Variants in NFIA observed in about 807,000 individuals in gnomAD.
NFIA encodes the protein nuclear factor 1 A-type.
Under a neutral mutation model 62.8 loss-of-function variants are expected in NFIA, and 8 were observed. That is an observed-to-expected ratio of 0.13 (90% CI 0.07 to 0.23). The LOEUF (loss-of-function observed/expected upper bound fraction) is 0.23, where lower values mean the gene tolerates loss of function less well. NFIA is among the 10% of genes least tolerant of loss of function. The probability of loss-of-function intolerance (pLI) is 1.00; values close to 1 mark genes in which losing one functional copy is unlikely to be tolerated. For synonymous variants in NFIA, 235 were observed against 238.1 expected, an observed-to-expected ratio of 0.99 and a Z score of 0.12; for missense variants, 410 against 642.1, an observed-to-expected ratio of 0.64 and a Z score of 3.91.
At chr1:61,298,860 C>A (rs1197503049) in intron 3 of NFIA, among the ~76,000 whole-genome samples, 2 of 152,196 alleles carry the variant, frequency 1.3e-5, no homozygotes, top group Non-Finnish European at 2.9e-5. Context: ...TGATAACTTA[C>A]AACACGCTGG....
chr1:61,383,468 G>A, intron 7 of NFIA, 103 bp downstream of exon 7: 1 of 1,371,084 alleles, frequency 7.3e-7, no homozygotes, highest in East Asian at 2.5e-5. Context: ...CACTCGTGAG[G>A]CAGTGAGTGT....
At chr1:61,407,272 A>G (rs1441629925) in intron 9 of NFIA, among the ~76,000 whole-genome samples, 1 of 152,060 alleles carries the variant, frequency 6.6e-6, no homozygotes, top group East Asian at 1.9e-4. Context: ...TCGCATGGTG[A>G]GGTTTGGCAG....
intron 2 of NFIA, among the ~76,000 whole-genome samples, chr1:61,124,189 G>C (rs537072440): frequency 6.6e-6 from 1 of 152,192 alleles, no homozygotes; most frequent in Non-Finnish European, 1.5e-5. Context: ...TTGGCCAGTC[G>C]TTCAGCTTCT....
At chr1:61,176,452 G>C (rs1650352283) in intron 2 of NFIA, among the ~76,000 whole-genome samples, 2 of 152,126 alleles carry the variant, frequency 1.3e-5, no homozygotes, top group South Asian at 2.1e-4. Context: ...TTACAGGATA[G>C]AAATAAAATC....
chr1:61,438,053 C>G (rs758377410), intron 10 of NFIA, among the ~76,000 whole-genome samples: 2 of 152,074 alleles, frequency 1.3e-5, no homozygotes, highest in Admixed American at 6.5e-5. Context: ...TCCTGAGATA[C>G]AGGATTTTAT....
intron 3 of NFIA, among the ~76,000 whole-genome samples, chr1:61,302,225 T>C (rs1659532251): frequency 6.6e-6 from 1 of 152,184 alleles, no homozygotes; most frequent in East Asian, 1.9e-4. Flanking sequence ...TACAAAAGTC[T>C]TGGTCATATA....
At chr1:61,117,583 A>T (rs1319994444) in intron 2 of NFIA, among the ~76,000 whole-genome samples, 1 of 152,124 alleles carries the variant, frequency 6.6e-6, no homozygotes, top group African/African-American at 2.4e-5. Context: ...TTTTTATATT[A>T]ATGTAACTAT....
intron 4 of NFIA, among the ~76,000 whole-genome samples, chr1:61,340,405 G>A (rs1553175037): frequency 6.6e-6 from 1 of 152,126 alleles, no homozygotes; most frequent in South Asian, 2.1e-4. Flanking sequence ...ATAGCTTTGG[G>A]CAATATTTAA....
intron 6 of NFIA, among the ~76,000 whole-genome samples, chr1:61,359,821 C>T (rs779751429): frequency 4.6e-5 from 7 of 152,050 alleles, no homozygotes; most frequent in Non-Finnish European, 8.8e-5. Context: ...TTAAAAGAGA[C>T]GGGGTTTCAC....
chr1:61,430,674 T>A (rs1480762929), intron 10 of NFIA, among the ~76,000 whole-genome samples: 1 of 152,188 alleles, frequency 6.6e-6, no homozygotes, highest in African/African-American at 2.4e-5. Flanking sequence ...TCCAGAGAAT[T>A]CCTCCCTTGA....
At chr1:61,444,439 C>T (rs1395718245) in intron 10 of NFIA, among the ~76,000 whole-genome samples, 2 of 152,140 alleles carry the variant, frequency 1.3e-5, no homozygotes. Context: ...ATTCCTTCAC[C>T]AAGCCTTGGA....
intron 10 of NFIA, among the ~76,000 whole-genome samples, chr1:61,449,215 AGT>A (rs1462596185): frequency 2.0e-5 from 3 of 152,078 alleles, no homozygotes; most frequent in African/African-American, 7.2e-5. Context: ...CTCGAGGGAG[AGT>A]GTCTGTCATT....
intron 2 of NFIA, among the ~76,000 whole-genome samples, chr1:61,223,492 A>G (rs1013321724): frequency 1.3e-5 from 2 of 152,082 alleles, no homozygotes; most frequent in African/African-American, 4.8e-5. Context: ...GGTTTCATAA[A>G]GGGAATTGAG....
At chr1:61,226,071 A>G (rs2100624040) in intron 2 of NFIA, among the ~76,000 whole-genome samples, 1 of 152,356 alleles carries the variant, frequency 6.6e-6, no homozygotes, top group East Asian at 1.9e-4. Context: ...GTGGACATAC[A>G]ACAAACATGT....
chr1:61,133,766 G>A (rs541515992), intron 2 of NFIA, among the ~76,000 whole-genome samples: 1 of 152,210 alleles, frequency 6.6e-6, no homozygotes, highest in Non-Finnish European at 1.5e-5. Flanking sequence ...CCAGGAGTTT[G>A]AGGCTGTAGT....
chr1:61,184,142 A>AC (rs1399235791), intron 2 of NFIA, among the ~76,000 whole-genome samples: 29 of 138,782 alleles, frequency 2.1e-4, no homozygotes, highest in African/African-American at 7.3e-4. Context: ...AAAAAAAAAA[A>AC]CCCAAAAAAA....
chr1:61,378,561 G>GT (rs60375780), intron 6 of NFIA, among the ~76,000 whole-genome samples: 37,609 of 151,978 alleles, frequency 0.25, 5,341 homozygotes, highest in African/African-American at 0.4. Flanking sequence ...TTTGTTTTCT[G>GT]TACTGCAGAA....
At chr1:61,134,134 A>G (rs758220196) in intron 2 of NFIA, among the ~76,000 whole-genome samples, 5 of 152,010 alleles carry the variant, frequency 3.3e-5, no homozygotes, top group Non-Finnish European at 5.9e-5. Flanking sequence ...AAAGAGGAAT[A>G]ATAGTATCTG....
At chr1:61,124,043 G>C (rs948829726) in intron 2 of NFIA, among the ~76,000 whole-genome samples, 2 of 152,166 alleles carry the variant, frequency 1.3e-5, no homozygotes, top group African/African-American at 2.4e-5. Flanking sequence ...CAGTGTTCTA[G>C]GAAGAACAAT....
Sources: allele counts gnomAD v4.1 joint callset (sites outside exome capture counted in the v4.1 genomes callset), GRCh38; gene constraint gnomAD v4.1.1; transcripts MANE v1.5; gene names NCBI Gene and HGNC (gene_info 2026-07-23, HGNC 2026-07-21).